CAMK2D: variants seen among roughly 807,000 people sequenced by gnomAD.
CAMK2D encodes calcium/calmodulin-dependent protein kinase type II subunit delta.
CAMK2D carries 37 observed loss-of-function variants against 84.0 expected under a neutral mutation model. The observed-to-expected ratio is 0.44, with a 90% CI of 0.34 to 0.58. CAMK2D has a LOEUF of 0.58. Among genes scored for constraint, CAMK2D ranks in the 20% least tolerant of loss-of-function variants. The pLI, the probability that CAMK2D is intolerant of heterozygous loss-of-function variation, is 0.02. For missense variants in CAMK2D, 448 were observed against 652.5 expected (o/e 0.69, Z 3.41); for synonymous variants, 202 against 212.5 (o/e 0.95, Z 0.43).
chr4:113,725,835 T>C (rs889871242), intron 2 of CAMK2D, among the ~76,000 whole-genome samples: 5 of 152,168 alleles, frequency 3.3e-5, no homozygotes, highest in Admixed American at 3.3e-4. Flanking sequence ...GGACACTAAA[T>C]TTGGAGATAT....
chr4:113,570,073 T>G (rs931566901), intron 4 of CAMK2D, among the ~76,000 whole-genome samples: 1 of 151,850 alleles, frequency 6.6e-6, no homozygotes, highest in Non-Finnish European at 1.5e-5. Context: ...AGCAAAGAGA[T>G]GAAAGATATG....
intron 16 of CAMK2D, among the ~76,000 whole-genome samples, chr4:113,469,671 T>C (rs2097523876): frequency 6.6e-6 from 1 of 152,214 alleles, no homozygotes; most frequent in South Asian, 2.1e-4. Context: ...ACCCAACATA[T>C]ACTGAACTGA....
At chr4:113,531,187 A>G (rs1162075366) in intron 8 of CAMK2D, 29 bp downstream of exon 8, 8 of 1,230,046 alleles carry the variant, frequency 6.5e-6, no homozygotes. Context: ...AGCTTATCAC[A>G]AAATTTGCTT....
At chr4:113,592,088 G>A (rs2098890592) in intron 4 of CAMK2D, among the ~76,000 whole-genome samples, 1 of 152,076 alleles carries the variant, frequency 6.6e-6, no homozygotes, top group South Asian at 2.1e-4. Context: ...TATTTACAGA[G>A]AATGTCTAAA....
At chr4:113,681,657 G>A (rs956876799) in intron 2 of CAMK2D, among the ~76,000 whole-genome samples, 4 of 152,046 alleles carry the variant, frequency 2.6e-5, no homozygotes, top group Non-Finnish European at 5.9e-5. Context: ...ATTATTTTGA[G>A]TAACAAAATC....
intron 3 of CAMK2D, among the ~76,000 whole-genome samples, chr4:113,660,022 A>C (rs1411550556): frequency 6.6e-6 from 1 of 152,192 alleles, no homozygotes; most frequent in Non-Finnish European, 1.5e-5. Context: ...AATACTAAAA[A>C]CATCAAAGCA....
chr4:113,720,982 T>A (rs17046445), intron 2 of CAMK2D, among the ~76,000 whole-genome samples: 2 of 152,118 alleles, frequency 1.3e-5, no homozygotes, highest in Non-Finnish European at 2.9e-5. Context: ...ATGTAATTGG[T>A]TTACATATGC....
At chr4:113,485,436 C>T (rs1027424564) in intron 16 of CAMK2D, among the ~76,000 whole-genome samples, 1 of 152,160 alleles carries the variant, frequency 6.6e-6, no homozygotes. Context: ...TTCTTCATGC[C>T]TACTTGTCCT....
chr4:113,661,692 A>G, intron 3 of CAMK2D, 21 bp downstream of exon 3: 2 of 1,171,642 alleles, frequency 1.7e-6, no homozygotes, highest in Non-Finnish European at 2.4e-6. Flanking sequence ...CATTTAAAAA[A>G]CATTAAAAAT....
At chr4:113,466,100 T>A (rs1476160330) in intron 16 of CAMK2D, among the ~76,000 whole-genome samples, 1 of 150,536 alleles carries the variant, frequency 6.6e-6, no homozygotes. Flanking sequence ...GAAAAAAAAA[T>A]ACAAAATTAG....
chr4:113,751,923 T>C (rs1227611031), intron 2 of CAMK2D, among the ~76,000 whole-genome samples: 1 of 152,110 alleles, frequency 6.6e-6, no homozygotes, highest in Admixed American at 6.6e-5. Context: ...TGTATTTTAT[T>C]CCATGAGTTT....
Position 113,609,149 on chromosome 4 carries a change from T to C in CAMK2D, c.275+3A>G. 1.3e-6 allele frequency: 2 copies of C among 1,521,584 alleles called. No homozygotes were observed. The allele number at this position is 1,521,584 out of a possible 1,614,324, so 94.3% of individuals were successfully genotyped here. On this transcript the variant is annotated splice_donor_region_variant and intron_variant, in intron 4 of 20. Transcript: ENST00000511664. ...AAATAATGAATACAGAGTATATACT[T>C]ACAAATCAAACACCAAGTAGTGAAA...
intron 16 of CAMK2D, among the ~76,000 whole-genome samples, chr4:113,489,482 T>TA (rs1395518620): frequency 2.0e-5 from 3 of 152,116 alleles, no homozygotes; most frequent in African/African-American, 7.2e-5. Flanking sequence ...ATCATTTTTT[T>TA]ATGGCTGCAA....
chr4:113,568,289 G>T (rs1475626358), intron 4 of CAMK2D, among the ~76,000 whole-genome samples: 1 of 151,972 alleles, frequency 6.6e-6, no homozygotes, highest in Non-Finnish European at 1.5e-5. Context: ...CTATGAATTT[G>T]CCTATTCTAA....
chr4:113,490,967 G>T (rs1398632813), intron 16 of CAMK2D, among the ~76,000 whole-genome samples: 1 of 82,594 alleles, frequency 1.2e-5, no homozygotes, highest in African/African-American at 6.1e-5. Context: ...GTATAAGAAT[G>T]CTTGTGATTT....
intron 13 of CAMK2D, 98 bp from the exon 14 acceptor site, chr4:113,505,133 G>GC: frequency 1.8e-6 from 1 of 561,682 alleles, no homozygotes; most frequent in Non-Finnish European, 3.0e-6. Flanking sequence ...TAGACATGAA[G>GC]ATAAAGAGCC....
At chr4:113,494,434 C>T (rs1374157884) in intron 16 of CAMK2D, among the ~76,000 whole-genome samples, 1 of 152,118 alleles carries the variant, frequency 6.6e-6, no homozygotes, top group Non-Finnish European at 1.5e-5. Flanking sequence ...TGGGGGGTGC[C>T]TCCCAGTTAG....
chr4:113,559,123 A>T (rs1301389309), intron 4 of CAMK2D, among the ~76,000 whole-genome samples: 2 of 152,180 alleles, frequency 1.3e-5, no homozygotes, highest in Non-Finnish European at 2.9e-5. Flanking sequence ...ATCGCTGTAT[A>T]TGGTTTTGCA....
At chr4:113,632,276 T>C (rs374356081) in intron 3 of CAMK2D, among the ~76,000 whole-genome samples, 1 of 152,096 alleles carries the variant, frequency 6.6e-6, no homozygotes, top group African/African-American at 2.4e-5. Context: ...CAGGCTGGAG[T>C]GCAATGGCAC....
Sources: gnomAD v4.1 joint callset for allele counts (sites outside exome capture counted in the v4.1 genomes callset) on GRCh38, gnomAD v4.1.1 for gene constraint, MANE v1.5 for transcripts, NCBI Gene and HGNC (gene_info 2026-07-23, HGNC 2026-07-21) for gene names.